TENM3: variants seen among roughly 807,000 people sequenced by gnomAD.
TENM3 encodes the protein teneurin transmembrane protein 3.
TENM3 carries 63 observed loss-of-function variants against 255.1 expected under a neutral mutation model. The ratio of observed to expected loss-of-function variants is 0.25; its 90% CI spans 0.20 to 0.30. The LOEUF (loss-of-function observed/expected upper bound fraction) is 0.30, where lower values mean the gene tolerates loss of function less well. Ranked by LOEUF, TENM3 falls within the 10% of genes least tolerant of loss-of-function variation. The pLI is 1.00. For synonymous variants in TENM3, 1,306 were observed against 1,322.3 expected, an observed-to-expected ratio of 0.99 and a Z score of 0.27; for missense variants, 2,929 against 3,461.1, an observed-to-expected ratio of 0.85 and a Z score of 3.86.
chr4:182,496,294 G>A (rs1735765056), intron 3 of TENM3, among the ~76,000 whole-genome samples: 1 of 152,058 alleles, frequency 6.6e-6, no homozygotes, highest in African/African-American at 2.4e-5. Flanking sequence ...TTAGGGAGTA[G>A]GAATGTTATT....
At chr4:181,784,598 T>C in the TENM3 span, among the ~76,000 whole-genome samples, 1 of 152,160 alleles carries the variant, frequency 6.6e-6, no homozygotes, top group Non-Finnish European at 1.5e-5. Context: ...TTCTCCCCTG[T>C]GAATTCCCAA....
intron 4 of TENM3, among the ~76,000 whole-genome samples, chr4:182,622,411 G>C (rs1296082561): frequency 6.6e-6 from 1 of 152,158 alleles, no homozygotes; most frequent in Non-Finnish European, 1.5e-5. Context: ...GTGATCTCAT[G>C]ATCTACTGAT....
intron 3 of TENM3, among the ~76,000 whole-genome samples, chr4:182,385,262 C>CTTTTTTTTTTTTT (rs397762118): frequency 8.9e-6 from 1 of 112,102 alleles, no homozygotes; most frequent in African/African-American, 3.4e-5. Flanking sequence ...TATTGTGCGT[C>CTTTTTTTTTTTTT]TTTTTTTTTT....
chr4:182,669,291 A>G (rs1754995761), intron 6 of TENM3, among the ~76,000 whole-genome samples: 1 of 135,198 alleles, frequency 7.4e-6, no homozygotes, highest in African/African-American at 2.7e-5. Context: ...TTTTTGTGAG[A>G]TGGAGTCTCA....
At chr4:182,321,750 C>G (rs1407083348) in intron 1 of TENM3, among the ~76,000 whole-genome samples, 1 of 151,986 alleles carries the variant, frequency 6.6e-6, no homozygotes, top group Non-Finnish European at 1.5e-5. Context: ...TGGAGGCCAT[C>G]CTGGCTAACA....
At chr4:182,475,465 A>G (rs1013446273) in intron 3 of TENM3, among the ~76,000 whole-genome samples, 5 of 151,986 alleles carry the variant, frequency 3.3e-5, no homozygotes. Flanking sequence ...GAATGACTTG[A>G]TGGAAGTTGT....
At chr4:181,535,626 A>G in the TENM3 span, among the ~76,000 whole-genome samples, 1 of 152,184 alleles carries the variant, frequency 6.6e-6, no homozygotes, top group Non-Finnish European at 1.5e-5. Context: ...AAGCCAAATG[A>G]TTCAGCCTCA....
At chr4:181,721,753 G>A in the TENM3 span, among the ~76,000 whole-genome samples, 1 of 151,748 alleles carries the variant, frequency 6.6e-6, no homozygotes, top group Admixed American at 6.6e-5. Flanking sequence ...AAAGTTAATA[G>A]ACCTGGTGGC....
chr4:181,649,968 T>C, the TENM3 span, among the ~76,000 whole-genome samples: 1 of 152,132 alleles, frequency 6.6e-6, no homozygotes, highest in East Asian at 1.9e-4. Context: ...GGAGTGATTA[T>C]CACTGGCTGA....
intron 14 of TENM3, among the ~76,000 whole-genome samples, chr4:182,729,577 G>A (rs1026169835): frequency 2.0e-5 from 3 of 152,062 alleles, no homozygotes; most frequent in Admixed American, 6.5e-5. Flanking sequence ...AACTGCTGAC[G>A]GCATGGCAGT....
chr4:182,066,597 A>T, the TENM3 span, among the ~76,000 whole-genome samples: 2 of 24,416 alleles, frequency 8.2e-5, no homozygotes, highest in African/African-American at 1.3e-4. Context: ...TGGTAAAAAA[A>T]AAATATATAT....
At chr4:182,711,871 T>C (rs1466478573) in intron 12 of TENM3, among the ~76,000 whole-genome samples, 1 of 152,126 alleles carries the variant, frequency 6.6e-6, no homozygotes, top group Non-Finnish European at 1.5e-5. Flanking sequence ...ATTTGCTGTT[T>C]TTTGGTTTTG....
the TENM3 span, among the ~76,000 whole-genome samples, chr4:181,717,675 T>C: frequency 6.6e-6 from 1 of 152,246 alleles, no homozygotes; most frequent in Non-Finnish European, 1.5e-5. Flanking sequence ...AATGTCCAGA[T>C]TCTTCTGGCC....
chr4:182,249,921 C>T (rs998428031), intron 1 of TENM3, among the ~76,000 whole-genome samples: 12 of 152,004 alleles, frequency 7.9e-5, no homozygotes, highest in African/African-American at 2.7e-4. Context: ...CACCACTATG[C>T]CTGGCTACTT....
At chr4:182,613,699 A>G (rs1474901925) in intron 4 of TENM3, among the ~76,000 whole-genome samples, 1 of 152,224 alleles carries the variant, frequency 6.6e-6, no homozygotes, top group Admixed American at 6.5e-5. Context: ...ATAATGCTAT[A>G]CTTACTATGA....
Position 182,327,803 on chromosome 4 carries a change from T to C in TENM3, c.232+3551T>C, listed in dbSNP as rs369728209. 5.9e-5 allele frequency among the ~76,000 whole-genome samples: 9 copies of C among 152,326 alleles called. 1 individual carries two copies. The highest frequency in any genetic ancestry group is 2.2e-4 in the African/African-American group (9 of 41,574). On this transcript the variant is annotated intron_variant, in intron 2 of 27. Coordinates refer to ENST00000511685, the MANE Select transcript of TENM3 (RefSeq NM_001080477.4). ...GATGCTATTTTCTTTTATTAATCTT[T>C]GAAGAAAATTTATCCCATCAGGTCT...
In TENM3 at chr4:182,714,938, G is replaced by T. The variant is rs969252300; in HGVS notation, c.2368+705G>T. 2.0e-5 allele frequency among the ~76,000 whole-genome samples: 3 copies of T among 152,310 alleles called. No homozygotes were observed. In the South Asian group the frequency reaches 6.2e-4, roughly 32 times the overall value. ...TCGCTCTTGTTGCCCAGGCTGGAGT[G>T]CAATGGCACGATCTCAGCTCACCGC... On this transcript the variant is annotated intron_variant, in intron 13 of 27. Transcript: ENST00000511685.
the TENM3 span, among the ~76,000 whole-genome samples, chr4:181,726,604 A>G: frequency 6.6e-6 from 1 of 152,208 alleles, no homozygotes; most frequent in Non-Finnish European, 1.5e-5. Context: ...CTCACACCAC[A>G]GCAATCAACA....
At chr4:182,615,930 GTTAAAC>G (rs1749472272) in intron 4 of TENM3, among the ~76,000 whole-genome samples, 1 of 152,204 alleles carries the variant, frequency 6.6e-6, no homozygotes, top group African/African-American at 2.4e-5. Context: ...GAGACTTGAA[GTTAAAC>G]TTAAGCTAAG....
Sources: allele counts gnomAD v4.1 joint callset (sites outside exome capture counted in the v4.1 genomes callset), GRCh38; gene constraint gnomAD v4.1.1; transcripts MANE v1.5; gene names NCBI Gene and HGNC (gene_info 2026-07-23, HGNC 2026-07-21).